Variants in CERK observed in about 807,000 individuals in gnomAD.
The protein encoded by CERK is ceramide kinase.
A neutral mutation model predicts 63.4 loss-of-function variants in CERK; 39 were observed. The observed-to-expected ratio is 0.61, with a 90% CI of 0.48 to 0.80. The LOEUF is 0.80. CERK is among the 30% of genes least tolerant of loss of function. The pLI is 0.00. For synonymous variants in CERK, 302 were observed against 280.0 expected (o/e 1.08, Z -0.78); for missense variants, 670 against 714.1 (o/e 0.94, Z 0.70).
Position 46,738,084 on chromosome 22 carries a change from G to A in CERK, c.65C>T (p.Ala22Val). ...SVLWVKQQRC[A>V]VSLEPARALL... ...AGCCCGCGCGGGCTCCAGGCTCACG[G>A]CGCAGCGCTGCTGCTTCACCCACAG... Residue 22 changes from alanine (A) to valine (V), a missense_variant, in exon 1 of 13, where the codon GCC (alanine) becomes GTC (valine). Coordinates refer to ENST00000216264, the MANE Select transcript of CERK (RefSeq NM_022766.6). The A allele has an allele frequency of 2.3e-6, 3 of 1,289,024 alleles. No individual in the cohort carries two copies. The highest frequency in any genetic ancestry group is 3.0e-6 in the Non-Finnish European group (3 of 1,010,868). 79.8% of individuals were successfully genotyped at this position (1,289,024 alleles called of 1,614,324 possible).
In CERK at chr22:46,712,134, C is replaced by G. The variant is rs144411183; in HGVS notation, c.505+34G>C. 441 of 1,611,936 alleles carry G rather than the reference C, an allele frequency of 2.7e-4. 3 individuals carry two copies. The Middle Eastern group carries it at 5.0e-3, about 18-fold the overall frequency. Reference sequence around the variant, plus strand: ...TGACTATACTTGAATCATTCTCAAACTTACTTCTACATAGTTAACATAGAA... The same window carrying G: ...TGACTATACTTGAATCATTCTCAAAGTTACTTCTACATAGTTAACATAGAA... On this transcript the variant is annotated intron_variant, in intron 4 of 12. Transcript: ENST00000216264.
chr22:46,727,031 C>T (rs1453640565), intron 1 of CERK, among the ~76,000 whole-genome samples: 1 of 152,166 alleles, frequency 6.6e-6, no homozygotes, highest in Non-Finnish European at 1.5e-5. Flanking sequence ...AAGAGAAAAA[C>T]TCACCATGCA....
chr22:46,693,320 G>C lies in CERK; in HGVS notation c.1126+107C>G, dbSNP rs1393217473. On this transcript the variant is annotated intron_variant, in intron 10 of 12. Transcript: ENST00000216264. Reference sequence around the variant, plus strand: ...GATGCCTGGTGCCAGACAGGAAAAAGGAAAAGCACAGGTGGGCAGGGAGAA... The same window carrying C: ...GATGCCTGGTGCCAGACAGGAAAAACGAAAAGCACAGGTGGGCAGGGAGAA... 3.3e-6 allele frequency: 3 copies of C among 898,728 alleles called. No individual in the cohort carries two copies. In the African/African-American group the frequency reaches 5.0e-5, roughly 15 times the overall value. 55.7% of individuals were successfully genotyped at this position (898,728 alleles called of 1,614,324 possible).
intron 1 of CERK, among the ~76,000 whole-genome samples, chr22:46,722,295 T>G (rs762168495): frequency 3.3e-5 from 5 of 151,936 alleles, no homozygotes; most frequent in Non-Finnish European, 5.9e-5. Context: ...CCTGGGAGGG[T>G]AGTGTCTGAA....
In CERK at chr22:46,721,836, G is replaced by A. The variant is rs146696789; in HGVS notation, c.143-821C>T. Among the ~76,000 whole-genome samples, 316 of 152,272 alleles carry A rather than the reference G, an allele frequency of 2.1e-3. 2 individuals carry two copies. Among genetic ancestry groups the A allele is most frequent in the African/African-American group, 7.5e-3 (311 of 41,544 alleles). On this transcript the variant is annotated intron_variant, in intron 1 of 12. Transcript: ENST00000216264. The stretch of plus-strand genomic sequence containing the variant: ...CAGGGGCCCAGGGGATGACAGCACC[G>A]GACATGCTCCACCCTGGGAACCAGC...
intron 5 of CERK, among the ~76,000 whole-genome samples, chr22:46,708,577 G>A (rs1237574687): frequency 6.6e-6 from 1 of 152,204 alleles, no homozygotes; most frequent in African/African-American, 2.4e-5. Flanking sequence ...GACAAAATGG[G>A]GCATGAGACA....
chr22:46,720,650 G>A (rs1006966626), intron 2 of CERK, among the ~76,000 whole-genome samples: 6 of 151,990 alleles, frequency 3.9e-5, no homozygotes, highest in East Asian at 1.9e-4. Context: ...AGCCGAGACC[G>A]CGCCACTGCA....
intron 8 of CERK, 31 bp downstream of exon 8, chr22:46,699,282 C>A (rs748855102): frequency 6.2e-7 from 1 of 1,609,812 alleles, no homozygotes; most frequent in East Asian, 2.2e-5. Context: ...GCACGACCAG[C>A]GGGGAGCGAG....
chr22:46,719,235 T>C (rs973069071), intron 3 of CERK, among the ~76,000 whole-genome samples: 5 of 152,008 alleles, frequency 3.3e-5, no homozygotes, highest in Middle Eastern at 3.4e-3. Context: ...GTTTGTTATA[T>C]AGGTAAAGTG....
intron 11 of CERK, among the ~76,000 whole-genome samples, chr22:46,691,044 TGTATACATACATAC>T (rs1569318297): frequency 7.6e-6 from 1 of 132,228 alleles, no homozygotes; most frequent in Non-Finnish European, 1.6e-5. Flanking sequence ...TACACACACA[TGTATACATACATAC>T]ACACACACAC....
intron 6 of CERK, among the ~76,000 whole-genome samples, chr22:46,707,486 C>T (rs909249783): frequency 2.6e-5 from 4 of 152,162 alleles, no homozygotes; most frequent in African/African-American, 9.7e-5. Flanking sequence ...CCCTAACTCC[C>T]GGTTCCTTCA....
intron 12 of CERK, among the ~76,000 whole-genome samples, chr22:46,689,592 T>C (rs945364906): frequency 1.3e-5 from 2 of 152,172 alleles, no homozygotes; most frequent in Admixed American, 1.3e-4. Flanking sequence ...GAGGCTGGTC[T>C]TGAACTCCTG....
At chr22:46,734,263 A>G (rs969982055) in intron 1 of CERK, among the ~76,000 whole-genome samples, 31 of 152,128 alleles carry the variant, frequency 2.0e-4, no homozygotes, top group Non-Finnish European at 2.9e-5. Flanking sequence ...ACAATGCAAT[A>G]TGACTTAGTA....
intron 4 of CERK, among the ~76,000 whole-genome samples, chr22:46,711,749 G>C (rs927141674): frequency 6.6e-6 from 1 of 152,066 alleles, no homozygotes; most frequent in Non-Finnish European, 1.5e-5. Flanking sequence ...TCCCATTCTG[G>C]TATGTAAAAA....
chr22:46,694,045 A>C (rs920108487), intron 9 of CERK, among the ~76,000 whole-genome samples: 11 of 152,284 alleles, frequency 7.2e-5, no homozygotes, highest in African/African-American at 2.6e-4. Context: ...TCAGCAGCCG[A>C]GTTCTTTAAT....
At chr22:46,692,224 C>G (rs1462663782) in intron 10 of CERK, among the ~76,000 whole-genome samples, 2 of 151,154 alleles carry the variant, frequency 1.3e-5, no homozygotes, top group African/African-American at 4.9e-5. Context: ...GTCAGGAGTT[C>G]GAGACCAGCC....
chr22:46,736,261 A>G (rs2146601584), intron 1 of CERK, among the ~76,000 whole-genome samples: 1 of 152,388 alleles, frequency 6.6e-6, no homozygotes, highest in Non-Finnish European at 1.5e-5. Context: ...CCATAATGGG[A>G]GCTGGCTGGG....
rs573202004 is a variant in CERK, at chr22:46,691,849, G to C, written c.1127-72C>G. ...GGCAGCGCCCTGCACCAGGACGGTG[G>C]GAGGCCATTCGGGCTCTCACCTGCT... On this transcript the variant is annotated intron_variant, in intron 10 of 12. Coordinates refer to ENST00000216264, the MANE Select transcript of CERK (RefSeq NM_022766.6). The C allele has an allele frequency of 1.1e-5, 15 of 1,337,152 alleles. No homozygotes were observed. In the South Asian group the frequency reaches 1.9e-4, roughly 17 times the overall value. The allele number at this position is 1,337,152 out of a possible 1,614,324, so 82.8% of individuals were successfully genotyped here. A position where few individuals can be genotyped will look rare whatever the true frequency, so the allele number is the denominator to read the frequency against.
intron 8 of CERK, among the ~76,000 whole-genome samples, chr22:46,695,653 C>T (rs1349219969): frequency 6.6e-6 from 1 of 152,236 alleles, no homozygotes; most frequent in East Asian, 1.9e-4. Context: ...CCTGTGGGCT[C>T]CAGTGGCTCA....
Sources: gnomAD v4.1 joint callset for allele counts (sites outside exome capture counted in the v4.1 genomes callset) on GRCh38, gnomAD v4.1.1 for gene constraint, MANE v1.5 for transcripts, NCBI Gene and HGNC (gene_info 2026-07-23, HGNC 2026-07-21) for gene names.